The following CACNA1F variants were observed in gnomAD, a reference collection of about 807,000 sequenced individuals.
The protein encoded by CACNA1F is voltage-dependent L-type calcium channel subunit alpha-1F.
CACNA1F carries 59 observed loss-of-function variants against 143.8 expected under a neutral mutation model. The observed-to-expected ratio is 0.41, with a 90% CI of 0.33 to 0.51. CACNA1F has a LOEUF of 0.51. Ranked by LOEUF, CACNA1F falls within the 20% of genes least tolerant of loss-of-function variation. The pLI is 0.22. For synonymous variants in CACNA1F, 643 were observed against 649.1 expected, an observed-to-expected ratio of 0.99 and a Z score of 0.14; for missense variants, 1,411 against 1,647.5, an observed-to-expected ratio of 0.86 and a Z score of 2.48.
At chrX:49,233,212 G>C (rs781864047) in intron 1 of CACNA1F, 73 bp downstream of exon 1, 11 of 1,105,139 alleles carry the variant, frequency 1.0e-5, no homozygotes, top group Non-Finnish European at 1.2e-5. Context: ...GGTGGGGTCT[G>C]GGTGGGCAAT....
rs185020630 is a variant in CACNA1F, at chrX:49,217,368, G to A, written c.3089+387C>T. ...TGTGAGATAGGCACTGTTTAGCCCC[G>A]TTTTTCAGTTGAGTGAAATGGAACT... On this transcript the variant is annotated intron_variant, in intron 26 of 47. Coordinates refer to ENST00000323022, the MANE Select transcript of CACNA1F (RefSeq NM_001256789.3). Among the ~76,000 whole-genome samples the A allele has an allele frequency of 7.1e-5, 8 of 112,756 alleles. No individual in the cohort carries two copies. The East Asian group carries it at 2.2e-3, about 31-fold the overall frequency.
chrX:49,207,087 T>G lies in CACNA1F; in HGVS notation c.5149A>C (p.Thr1717Pro), dbSNP rs2065605963. 8.4e-7 allele frequency: 1 copy of G among 1,191,270 alleles called. No homozygotes were observed. Among genetic ancestry groups the G allele is most frequent in the Non-Finnish European group, 1.1e-6 (1 of 883,156 alleles). ...HRRGSGALIF[T>P]IPEEGNSQPK... ...TGAGAATTTCCTTCTTCTGGGATGGTGAAAATGAGAGCCCCAGAGCCTCTC... is the reference window on the plus strand; with the variant it reads ...TGAGAATTTCCTTCTTCTGGGATGGGGAAAATGAGAGCCCCAGAGCCTCTC... The change falls in exon 44 of 48, where the codon ACC becomes CCC. Residue 1717 changes from threonine (T) to proline (P), a missense_variant. Coordinates refer to ENST00000323022, the MANE Select transcript of CACNA1F (RefSeq NM_001256789.3).
At chrX:49,211,277 C>T in intron 36 of CACNA1F, 45 bp downstream of exon 36, 1 of 1,198,887 alleles carries the variant, frequency 8.3e-7, no homozygotes, top group Non-Finnish European at 1.1e-6. Flanking sequence ...CCCTCAGGGC[C>T]AGCCCCCGTG....
In CACNA1F at chrX:49,218,470, C is replaced by T. The variant is rs1557107954; in HGVS notation, c.2913G>A (p.Arg971=). The change falls in exon 24 of 48, where the codon AGG becomes AGA. Residue 971 remains arginine (R), a synonymous_variant. Transcript: ENST00000323022. ...GTGGGGTTACCTTGAGTCCCTTGGC[C>T]CTGTTGATGGCTCGGAGGGGCCGCA... ...RVLRPLRAIN[R]AKGLKHVVQC... 4 of 1,180,887 alleles carry T rather than the reference C, an allele frequency of 3.4e-6. No homozygotes were observed. Among genetic ancestry groups the T allele is most frequent in the Non-Finnish European group, 4.5e-6 (4 of 880,089 alleles).
intron 31 of CACNA1F, 103 bp downstream of exon 31, chrX:49,213,716 G>C (rs1557106742): frequency 1.6e-5 from 9 of 578,974 alleles, no homozygotes; most frequent in Non-Finnish European, 9.4e-6. Flanking sequence ...GAGTAGGGAG[G>C]ATGTGCGTGG....
At chrX:49,227,274 C>A in intron 8 of CACNA1F, 147 bp from the exon 9 acceptor site, 1 of 502,608 alleles carries the variant, frequency 2.0e-6, no homozygotes, top group Non-Finnish European at 3.5e-6. Flanking sequence ...ATTCTCTTTG[C>A]TTGGAATGCT....
intron 22 of CACNA1F, 64 bp from the exon 23 acceptor site, chrX:49,218,799 T>TG: frequency 6.4e-6 from 1 of 155,921 alleles, no homozygotes; most frequent in Non-Finnish European, 1.1e-5. Flanking sequence ...GAGGTGGGGA[T>TG]GGGGACAGGA....
Position 49,205,587 on chromosome X carries a change from C to T in CACNA1F, c.5670+29G>A, listed in dbSNP as rs782446411. ...CCACCTCCTCCCCTTCTCCCCCATC[C>T]GTCTTGTCTATATGCCCTCTGGACT... is the stretch of plus-strand genomic sequence containing the variant. On this transcript the variant is annotated intron_variant, in intron 47 of 47. Transcript: ENST00000323022. The T allele has an allele frequency of 2.0e-5, 23 of 1,178,004 alleles. No individual in the cohort carries two copies. In the South Asian group the frequency reaches 2.6e-4, roughly 13 times the overall value.
Position 49,218,444 on chromosome X carries a change from G to A in CACNA1F, c.2928+11C>T. The A allele has an allele frequency of 8.6e-7, 1 of 1,166,403 alleles. No individual in the cohort carries two copies. Among genetic ancestry groups the A allele is most frequent in the Non-Finnish European group, 1.1e-6 (1 of 870,045 alleles). On this transcript the variant is annotated intron_variant, in intron 24 of 47. Transcript: ENST00000323022. ...GCCTGGGTCCTGTGGGTTTGGGTGG[G>A]GTGGGGTTACCTTGAGTCCCTTGGC...
At chrX:49,207,794 G>A (rs2065613572) in intron 43 of CACNA1F, among the ~76,000 whole-genome samples, 1 of 110,387 alleles carries the variant, frequency 9.1e-6, no homozygotes, top group African/African-American at 3.3e-5. Context: ...TTGTCTAGCA[G>A]CTAAGTGTTT....
rs782329262 is a variant in CACNA1F, at chrX:49,231,728, G to A, written c.225C>T (p.Leu75=). 8.3e-7 allele frequency: 1 copy of A among 1,210,397 alleles called. No individual in the cohort carries two copies. Among genetic ancestry groups the A allele is most frequent in the Non-Finnish European group, 1.1e-6 (1 of 895,149 alleles). The change falls in exon 2 of 48, where the codon CTC becomes CTT. Residue 75 remains leucine (L), a synonymous_variant. Coordinates refer to ENST00000323022, the MANE Select transcript of CACNA1F (RefSeq NM_001256789.3). ...AQRSPRALFC[L]TLANPLRRSC... ...ACCGTCGCAGAGGATTGGCCAGGGT[G>A]AGGCAGAAGAGTGCCCGAGGTGACC...
Position 49,212,784 on chromosome X carries a change from G to A in CACNA1F, c.3825C>T (p.Asp1275=). 3 of 1,210,423 alleles carry A rather than the reference G, an allele frequency of 2.5e-6. No individual in the cohort carries two copies. Among genetic ancestry groups the A allele is most frequent in the Non-Finnish European group, 3.4e-6 (3 of 894,706 alleles). The part of the protein sequence containing the change: ...NGGHLGESSE[D]SSRISITFFR... ...AGAAGGTAATGGAAATGCGGGAGCT[G>A]TCCTCAGAGCTCTGGGGTGAGGGGT... The change falls in exon 33 of 48, where the codon GAC becomes GAT. Residue 1275 remains aspartate (D), a synonymous_variant. Transcript: ENST00000323022.
In CACNA1F at chrX:49,228,360, C is replaced by T. The variant is rs782137742; in HGVS notation, c.905G>A (p.Arg302His). The T allele has an allele frequency of 1.2e-5, 14 of 1,208,349 alleles. No individual in the cohort carries two copies. The highest frequency in any genetic ancestry group is 3.5e-5 in the South Asian group (2 of 56,719). Reference protein sequence around the residue: ...CTLNQTECRGRWPGPNGGITN... With the variant: ...CTLNQTECRGHWPGPNGGITN... Reference sequence around the variant, plus strand: ...GATGCCTCCATTGGGCCCTGGCCAGCGCCCGCGGCACTCAGTCTGGTTCAG... The same window carrying T: ...GATGCCTCCATTGGGCCCTGGCCAGTGCCCGCGGCACTCAGTCTGGTTCAG... The change falls in exon 7 of 48, where the codon CGC becomes CAC. Residue 302 changes from arginine to histidine, a missense_variant. Arg to His is a conservative substitution (Grantham distance 29, BLOSUM62 0). Transcript: ENST00000323022.
intron 32 of CACNA1F, 37 bp from the exon 33 acceptor site, chrX:49,212,832 A>C: frequency 8.3e-7 from 1 of 1,204,393 alleles, no homozygotes; most frequent in Non-Finnish European, 1.1e-6. Flanking sequence ...CTCAGTTTGC[A>C]TTTACTCCAG....
chrX:49,216,266 G>A (rs782484293), intron 27 of CACNA1F, 116 bp downstream of exon 27: 69 of 792,365 alleles, frequency 8.7e-5, no homozygotes, highest in Non-Finnish European at 1.1e-4. Context: ...ATCCAGTCTC[G>A]AGAGACCTTC....
chrX:49,215,439 G>A lies in CACNA1F; in HGVS notation c.3341C>T (p.Ala1114Val), dbSNP rs1557107162. ...VFFIVYIIII[A>V]FFMMNIFVGF... ...CACGAAGATGTTCATCATGAAGAAC[G>A]CAATGATGATGATGTAGACAATGAA... Residue 1114 changes from alanine (A) to valine (V), a missense_variant, in exon 28 of 48, where the codon GCG becomes GTG. By Grantham distance (64) the Ala-to-Val change is moderately conservative (BLOSUM62 0). Coordinates refer to ENST00000323022, the MANE Select transcript of CACNA1F (RefSeq NM_001256789.3). 1 of 1,202,800 alleles carries A rather than the reference G, an allele frequency of 8.3e-7. No homozygotes were observed. The highest frequency in any genetic ancestry group is 1.1e-6 in the Non-Finnish European group (1 of 887,873).
rs781794204 is a variant in CACNA1F, at chrX:49,233,308, ATCTT to A, written c.-3_1del. The A allele has an allele frequency of 7.5e-6, 9 of 1,205,103 alleles. No individual in the cohort carries two copies. The South Asian group carries it at 1.2e-4, about 17-fold the overall frequency. On this transcript the variant is annotated start_lost and start_retained_variant and 5_prime_UTR_variant, in exon 1 of 48. Transcript: ENST00000323022. ...ACCTTTCCCGCCTTCAGATTCCGAC[ATCTT>A]TCTTTCGAGATTGAAGGGCCATCTG... is the stretch of plus-strand genomic sequence containing the variant.
In CACNA1F at chrX:49,209,755, C is replaced by G; in HGVS notation, c.4695G>C (p.Glu1565Asp). 1.7e-6 allele frequency: 2 copies of G among 1,211,606 alleles called. No homozygotes were observed. Among genetic ancestry groups the G allele is most frequent in the Non-Finnish European group, 2.2e-6 (2 of 895,294 alleles). The change falls in exon 41 of 48, where the codon GAG (glutamate) becomes GAC (aspartate). Residue 1565 changes from glutamate to aspartate, a missense_variant. Coordinates refer to ENST00000323022, the MANE Select transcript of CACNA1F (RefSeq NM_001256789.3). ...LDEVIPPPDEEEVTVGKFYAT... is the reference protein window; with the variant it reads ...LDEVIPPPDEDEVTVGKFYAT... ...CGTAGAATTTGCCCACGGTGACCTC[C>G]TCCTCTAGGGGCAAGGGAGAGAAGG...
rs376277147 is a variant in CACNA1F at position 49,215,322 on chromosome X, G to A, written c.3438+20C>T. On this transcript the variant is annotated intron_variant, in intron 28 of 47. Transcript: ENST00000323022. The stretch of plus-strand genomic sequence containing the variant: ...GAAGGGTTGGTGACCATCCATAGGG[G>A]GTCAGGGGTCAGAGGTCACCTGGTT... 11 of 1,206,500 alleles carry A rather than the reference G, an allele frequency of 9.1e-6. No homozygotes were observed. Among genetic ancestry groups the A allele is most frequent in the Non-Finnish European group, 9.0e-6 (8 of 891,510 alleles).
Sources: gnomAD v4.1 joint callset for allele counts (sites outside exome capture counted in the v4.1 genomes callset) on GRCh38, gnomAD v4.1.1 for gene constraint, MANE v1.5 for transcripts, NCBI Gene and HGNC (gene_info 2026-07-23, HGNC 2026-07-21) for gene names.